CTNNA1: variants seen among roughly 807,000 people sequenced by gnomAD.
CTNNA1 encodes catenin alpha 1, also known as catenin alpha-1.
In CTNNA1, 37 loss-of-function variants were observed where a neutral mutation model predicts 98.4. The ratio of observed to expected loss-of-function variants is 0.38; its 90% confidence interval spans 0.29 to 0.49. The LOEUF is 0.49. CTNNA1 is among the 20% of genes least tolerant of loss of function. The probability of loss-of-function intolerance (pLI) is 0.95; values close to 1 mark genes in which losing one functional copy is unlikely to be tolerated. For missense variants in CTNNA1, 761 were observed against 1,147.2 expected (o/e 0.66, Z 4.86); for synonymous variants, 404 against 413.2 (o/e 0.98, Z 0.27).
At chr5:138,763,876 CT>C (rs1752618924) in intron 1 of CTNNA1, among the ~76,000 whole-genome samples, 2 of 86,066 alleles carry the variant, frequency 2.3e-5, no homozygotes, top group African/African-American at 6.4e-5. Flanking sequence ...TTTGGACTGA[CT>C]TTTAAGTGTG....
chr5:138,912,190 A>G (rs768570200), intron 10 of CTNNA1, among the ~76,000 whole-genome samples: 22 of 152,188 alleles, frequency 1.4e-4, no homozygotes, highest in Admixed American at 1.2e-3. Context: ...TGGCCAGCAC[A>G]GGAGCCTGAG....
intron 13 of CTNNA1, among the ~76,000 whole-genome samples, chr5:138,927,789 G>T (rs1354555554): frequency 6.6e-6 from 1 of 152,164 alleles, no homozygotes; most frequent in African/African-American, 2.4e-5. Flanking sequence ...TTGGGTCTGC[G>T]ATGGGGTGCT....
intron 9 of CTNNA1, 98 bp downstream of exon 9, chr5:138,887,740 G>A (rs1043900350): frequency 7.4e-6 from 7 of 951,270 alleles, no homozygotes; most frequent in Admixed American, 7.2e-5. Context: ...GTAAGGGCTC[G>A]CTTAACATAC....
chr5:138,902,450 C>T (rs185527850), intron 9 of CTNNA1, among the ~76,000 whole-genome samples: 10 of 152,300 alleles, frequency 6.6e-5, no homozygotes, highest in Admixed American at 3.9e-4. Flanking sequence ...GACGGAGTCT[C>T]GCTCTGTCGC....
chr5:138,930,891 G>A lies in CTNNA1; in HGVS notation c.2254G>A (p.Ala752Thr). The change falls in exon 16 of 18, where the codon GCA (alanine) becomes ACA (threonine). Residue 752 changes from alanine to threonine, a missense_variant. By Grantham distance (58) the Ala-to-Thr change is moderately conservative. Transcript: ENST00000302763. ...VISAAKKIAE[A>T]GSRMDKLGRT... ...CAGTGCTGCCAAGAAAATTGCTGAG[G>A]CAGGATCCAGGATGGACAAGCTTGG... is the stretch of plus-strand genomic sequence containing the variant. The A allele has an allele frequency of 1.9e-6, 3 of 1,614,106 alleles. No individual in the cohort carries two copies. The highest frequency in any genetic ancestry group is 2.5e-6 in the Non-Finnish European group (3 of 1,179,960).
At chr5:138,776,954 T>A (rs1449940428) in intron 1 of CTNNA1, among the ~76,000 whole-genome samples, 55 of 28,128 alleles carry the variant, frequency 2.0e-3, no homozygotes, top group Middle Eastern at 0.022. Flanking sequence ...GGGGGCTGAC[T>A]CCCCCACCTC....
At chr5:138,820,740 T>G (rs534056980) in intron 5 of CTNNA1, among the ~76,000 whole-genome samples, 1 of 85,840 alleles carries the variant, frequency 1.2e-5, no homozygotes, top group Admixed American at 1.4e-4. Flanking sequence ...GTTTTGGGTG[T>G]TGTTTTGAGG....
At chr5:138,768,535 A>G (rs1413945168) in intron 1 of CTNNA1, among the ~76,000 whole-genome samples, 1 of 147,942 alleles carries the variant, frequency 6.8e-6, no homozygotes, top group Non-Finnish European at 1.5e-5. Context: ...TGCTGGGATT[A>G]CAGGCATGAG....
chr5:138,818,580 G>A (rs1229515260), intron 5 of CTNNA1, among the ~76,000 whole-genome samples: 1 of 152,134 alleles, frequency 6.6e-6, no homozygotes, highest in Admixed American at 6.5e-5. Flanking sequence ...TCCAGTAGGA[G>A]CAATAGTACA....
At chr5:138,905,093 CAA>C (rs781709207) in intron 10 of CTNNA1, among the ~76,000 whole-genome samples, 14 of 58,202 alleles carry the variant, frequency 2.4e-4, no homozygotes, top group Admixed American at 1.8e-4. Flanking sequence ...GACTCCGTCT[CAA>C]AAAAAAAAAA....
At chr5:138,835,145 A>G (rs1300083782) in intron 7 of CTNNA1, among the ~76,000 whole-genome samples, 7 of 152,328 alleles carry the variant, frequency 4.6e-5, no homozygotes, top group Admixed American at 3.3e-4. Flanking sequence ...TCATCAGTTA[A>G]GGCAGGAACT....
In CTNNA1 at chr5:138,791,743, A is replaced by G. The variant is rs868098297; in HGVS notation, c.301+8371A>G. ...AAGCATCTGGGTAATCTTAGTACCT[A>G]TAGTTGATTTGTGAGCATACTCTAA... On this transcript the variant is annotated intron_variant, in intron 3 of 17. Coordinates refer to ENST00000302763, the MANE Select transcript of CTNNA1 (RefSeq NM_001903.5). Among the ~76,000 whole-genome samples, 239 of 142,968 alleles carry G rather than the reference A, an allele frequency of 1.7e-3. 2 individuals carry two copies. The highest frequency in any genetic ancestry group is 5.6e-3 in the African/African-American group (218 of 38,698). 93.8% of individuals were successfully genotyped at this position (142,968 alleles called of 152,430 possible).
intron 7 of CTNNA1, among the ~76,000 whole-genome samples, chr5:138,883,056 C>A (rs1018387619): frequency 6.6e-6 from 1 of 152,054 alleles, no homozygotes; most frequent in African/African-American, 2.4e-5. Context: ...AGGCTGAAAC[C>A]AAAGGTTTCA....
chr5:138,875,499 AAAG>A (rs1292575692), intron 7 of CTNNA1: 25 of 985,342 alleles, frequency 2.5e-5, no homozygotes, highest in East Asian at 1.1e-4. Context: ...ATAAAGCGAG[AAAG>A]AAGAACTCCT....
At chr5:138,887,373 A>C (rs1438965909) in intron 8 of CTNNA1, 117 bp from the exon 9 acceptor site, 1 of 680,224 alleles carries the variant, frequency 1.5e-6, no homozygotes. Flanking sequence ...TCCTCATGTA[A>C]GTGCAGCAAG....
Position 138,886,307 on chromosome 5 carries a change from A to G in CTNNA1, c.1143+15A>G. On this transcript the variant is annotated intron_variant, in intron 8 of 17. Transcript: ENST00000302763. The stretch of plus-strand genomic sequence containing the variant: ...TGCGTAGACAGGTAATCTGGATGAA[A>G]GTGCTGATTGTTTTTCTAAGTTCTC... The G allele has an allele frequency of 6.4e-7, 1 of 1,571,564 alleles. No individual in the cohort carries two copies.
chr5:138,814,302 G>A (rs763840017), intron 5 of CTNNA1, among the ~76,000 whole-genome samples: 31 of 150,946 alleles, frequency 2.1e-4, no homozygotes, highest in African/African-American at 4.6e-4. Context: ...AGGCTGGAGC[G>A]CAATGGTGCA....
chr5:138,865,253 C>T (rs495638), intron 7 of CTNNA1, among the ~76,000 whole-genome samples: 105,089 of 152,098 alleles, frequency 0.69, 36,467 homozygotes, highest in East Asian at 0.93. Context: ...ACACCAGCTG[C>T]TGAAAGTGCT....
At chr5:138,869,886 C>G (rs1465314998) in intron 7 of CTNNA1, 1 of 152,560 alleles carries the variant, frequency 6.6e-6, no homozygotes, top group Non-Finnish European at 1.5e-5. Flanking sequence ...TGGGTATTCT[C>G]AGAGTTGTGT....
Sources: allele counts gnomAD v4.1 joint callset (sites outside exome capture counted in the v4.1 genomes callset), GRCh38; gene constraint gnomAD v4.1.1; transcripts MANE v1.5; gene names NCBI Gene and HGNC (gene_info 2026-07-23, HGNC 2026-07-21).